Variants in FSD1L observed in about 807,000 individuals in gnomAD.
FSD1L encodes the protein FSD1-like protein.
In FSD1L, 45 loss-of-function variants were observed where a neutral mutation model predicts 71.6. The ratio of observed to expected loss-of-function variants is 0.63; its 90% CI spans 0.49 to 0.81. The LOEUF is 0.81. Ranked by LOEUF, FSD1L falls within the 30% of genes least tolerant of loss-of-function variation. The pLI, the probability that FSD1L is intolerant of heterozygous loss-of-function variation, is 0.00. For missense variants in FSD1L, 561 were observed against 618.1 expected (o/e 0.91, Z 0.98); for synonymous variants, 197 against 207.2 (o/e 0.95, Z 0.42).
intron 10 of FSD1L, chr9:105,523,630 T>A: frequency 6.2e-7 from 1 of 1,609,856 alleles, no homozygotes; most frequent in South Asian, 1.1e-5. Flanking sequence ...CCACTGAGAA[T>A]TCTTACACCT....
intron 13 of FSD1L, among the ~76,000 whole-genome samples, chr9:105,545,855 A>G (rs1228695298): frequency 6.6e-6 from 1 of 152,048 alleles, no homozygotes; most frequent in Non-Finnish European, 1.5e-5. Context: ...TTTTGTCAGG[A>G]GTCCTTCTTA....
intron 5 of FSD1L, among the ~76,000 whole-genome samples, chr9:105,476,803 T>C (rs1478265787): frequency 6.6e-6 from 1 of 152,220 alleles, no homozygotes; most frequent in Non-Finnish European, 1.5e-5. Context: ...TTTAAGACAT[T>C]TCTTGAAATT....
chr9:105,513,688 A>G, intron 10 of FSD1L: 1 of 1,353,094 alleles, frequency 7.4e-7, no homozygotes, highest in Non-Finnish European at 1.0e-6. Flanking sequence ...TTGGCTGATT[A>G]AAAAAACTTT....
intron 7 of FSD1L, among the ~76,000 whole-genome samples, chr9:105,487,388 C>T (rs536374996): frequency 6.6e-6 from 1 of 150,482 alleles, no homozygotes; most frequent in Non-Finnish European, 1.5e-5. Context: ...TATTTGAATG[C>T]CTGTATTGTT....
rs924634702 is a variant in FSD1L, at chr9:105,549,047, T to C, written c.*2564T>C. 1 of 152,112 alleles carries C rather than the reference T, an allele frequency of 6.6e-6. No individual in the cohort carries two copies. Among genetic ancestry groups the C allele is most frequent in the African/African-American group, 2.4e-5 (1 of 41,444 alleles). 9.4% of individuals were successfully genotyped at this position (152,112 alleles called of 1,614,324 possible). A position where few individuals can be genotyped will look rare whatever the true frequency, so the allele number is the denominator to read the frequency against. On this transcript the variant is annotated 3_prime_UTR_variant, in exon 14 of 14. Transcript: ENST00000481272. ...TCAATTACATTTGAATTTAAAAATA[T>C]TGAGCTCTTGATTACAATTTAATAC...
At chr9:105,454,426 C>T (rs978752703) in intron 1 of FSD1L, among the ~76,000 whole-genome samples, 1 of 152,168 alleles carries the variant, frequency 6.6e-6, no homozygotes, top group African/African-American at 2.4e-5. Flanking sequence ...CAAGTCTCTG[C>T]TTACACCCTT....
At chr9:105,465,805 T>C (rs901248463) in intron 3 of FSD1L, among the ~76,000 whole-genome samples, 1 of 151,994 alleles carries the variant, frequency 6.6e-6, no homozygotes, top group Non-Finnish European at 1.5e-5. Flanking sequence ...GCTACCATCT[T>C]ATCAAAGGTG....
chr9:105,474,203 G>T (rs1473260983), intron 5 of FSD1L, among the ~76,000 whole-genome samples: 1 of 152,166 alleles, frequency 6.6e-6, no homozygotes, highest in Admixed American at 6.6e-5. Flanking sequence ...AACCTGTGTA[G>T]CATGTTACTG....
chr9:105,481,181 T>TGTGTGTG (rs1564098389), intron 6 of FSD1L, among the ~76,000 whole-genome samples: 1 of 56,204 alleles, frequency 1.8e-5, no homozygotes, highest in African/African-American at 8.1e-5. Context: ...GTGTGTGTGG[T>TGTGTGTG]TCTTTTTTTT....
chr9:105,463,188 C>G (rs1830832133), intron 2 of FSD1L, among the ~76,000 whole-genome samples: 1 of 151,932 alleles, frequency 6.6e-6, no homozygotes, highest in Admixed American at 6.6e-5. Context: ...CAGACTGTTT[C>G]CTGGGCTCCT....
At chr9:105,503,122 A>G (rs1833865447) in intron 7 of FSD1L, among the ~76,000 whole-genome samples, 3 of 152,084 alleles carry the variant, frequency 2.0e-5, no homozygotes, top group African/African-American at 4.8e-5. Flanking sequence ...TCCTGGGCTC[A>G]AGTGATCCTC....
rs530738642 is a variant in FSD1L, at chr9:105,453,702, A to T, written c.15+5467A>T. Among the ~76,000 whole-genome samples, 6 of 152,338 alleles carry T rather than the reference A, an allele frequency of 3.9e-5. No individual in the cohort carries two copies. The East Asian group carries it at 1.2e-3, about 29-fold the overall frequency. On this transcript the variant is annotated intron_variant, in intron 1 of 13. Coordinates refer to ENST00000481272, the MANE Select transcript of FSD1L (RefSeq NM_001145313.3). ...TTGAACTTGGCAGTTTTTAAAAATT[A>T]GAAAGATAGTGAAGCAGACCTTTTT...
chr9:105,493,698 G>A (rs953017182), intron 7 of FSD1L, among the ~76,000 whole-genome samples: 2 of 152,078 alleles, frequency 1.3e-5, no homozygotes, highest in African/African-American at 4.8e-5. Context: ...CAGGCCTGGT[G>A]GTGACAAAAT....
intron 3 of FSD1L, among the ~76,000 whole-genome samples, chr9:105,465,445 A>T (rs1830995549): frequency 2.6e-5 from 4 of 152,212 alleles, no homozygotes; most frequent in Admixed American, 2.6e-4. Flanking sequence ...CAAACCAGGG[A>T]TACTACAAAA....
chr9:105,495,731 T>G (rs1342999694), intron 7 of FSD1L, among the ~76,000 whole-genome samples: 1 of 152,120 alleles, frequency 6.6e-6, no homozygotes, highest in Non-Finnish European at 1.5e-5. Context: ...AACCCCAGCA[T>G]TTTGGGAGCC....
chr9:105,467,079 T>C (rs1269992258), intron 3 of FSD1L, among the ~76,000 whole-genome samples: 2 of 152,258 alleles, frequency 1.3e-5, no homozygotes, highest in East Asian at 1.9e-4. Flanking sequence ...GTGCCTTGTA[T>C]AAGGTCATGC....
chr9:105,546,543 C>T lies in FSD1L; in HGVS notation c.*60C>T. On this transcript the variant is annotated 3_prime_UTR_variant, in exon 14 of 14. Transcript: ENST00000481272. ...TTAGGTGGCCTTTTCTGTGCAGTTA[C>T]TAATCACAGGAATTTGGTAGTAGTG... 6.9e-7 allele frequency: 1 copy of T among 1,441,422 alleles called. No homozygotes were observed. The highest frequency in any genetic ancestry group is 9.2e-7 in the Non-Finnish European group (1 of 1,089,862). 89.3% of individuals were successfully genotyped at this position (1,441,422 alleles called of 1,614,324 possible).
chr9:105,461,175 C>G (rs1830669115), intron 1 of FSD1L, among the ~76,000 whole-genome samples: 1 of 152,174 alleles, frequency 6.6e-6, no homozygotes, highest in Admixed American at 6.5e-5. Flanking sequence ...TAGAGGATCT[C>G]TGCCCTATTT....
intron 1 of FSD1L, among the ~76,000 whole-genome samples, 195 bp downstream of exon 1, chr9:105,448,430 G>C (rs2297023): frequency 0.063 from 9,530 of 152,236 alleles, 870 homozygotes; most frequent in East Asian, 0.47. Flanking sequence ...TGCGGGGACC[G>C]CGCCCGGTGA....
Sources: allele counts gnomAD v4.1 joint callset (sites outside exome capture counted in the v4.1 genomes callset), GRCh38; gene constraint gnomAD v4.1.1; transcripts MANE v1.5; gene names NCBI Gene and HGNC (gene_info 2026-07-23, HGNC 2026-07-21).